The following SOX5 variants were observed in gnomAD, a reference collection of about 807,000 sequenced individuals.
SOX5 encodes SRY-box transcription factor 5, also known as transcription factor SOX-5.
Under a neutral mutation model 92.0 loss-of-function variants are expected in SOX5, and 9 were observed. That is an observed-to-expected ratio of 0.10 (90% CI 0.06 to 0.17). The LOEUF is 0.17. Ranked by LOEUF, SOX5 falls within the 10% of genes least tolerant of loss-of-function variation. The pLI is 1.00. For synonymous variants in SOX5, 344 were observed against 336.3 expected (o/e 1.02, Z -0.25); for missense variants, 642 against 944.5 (o/e 0.68, Z 4.20).
chr12:24,338,092 T>C (rs564233737), intron 2 of SOX5, among the ~76,000 whole-genome samples: 93 of 152,178 alleles, frequency 6.1e-4, no homozygotes, highest in Non-Finnish European at 6.8e-4. Context: ...ATATAAGTAA[T>C]GGAAAAATTT....
At chr12:23,586,082 G>A (rs950571518) in intron 9 of SOX5, among the ~76,000 whole-genome samples, 3 of 151,848 alleles carry the variant, frequency 2.0e-5, no homozygotes, top group African/African-American at 7.3e-5. Flanking sequence ...GAGGAAGCGC[G>A]CTCTCTCTCT....
chr12:24,531,229 T>C (rs928082471), intron 1 of SOX5, among the ~76,000 whole-genome samples: 2 of 152,152 alleles, frequency 1.3e-5, no homozygotes, highest in African/African-American at 4.8e-5. Context: ...GAAAAAAAAA[T>C]CTACATTTAA....
intron 9 of SOX5, among the ~76,000 whole-genome samples, chr12:23,585,136 C>T (rs907728482): frequency 1.3e-5 from 2 of 152,140 alleles, no homozygotes; most frequent in Non-Finnish European, 2.9e-5. Context: ...AATGCACATA[C>T]ACATCGAGCA....
intron 2 of SOX5, among the ~76,000 whole-genome samples, chr12:24,311,741 G>T (rs994089215): frequency 6.6e-6 from 1 of 152,130 alleles, no homozygotes; most frequent in Non-Finnish European, 1.5e-5. Flanking sequence ...AAGCTGAAAA[G>T]GTTCCCATCA....
intron 2 of SOX5, among the ~76,000 whole-genome samples, chr12:24,339,252 A>G (rs74070011): frequency 6.7e-6 from 1 of 149,916 alleles, no homozygotes; most frequent in African/African-American, 2.5e-5. Context: ...CATATGGAGT[A>G]TGTGTGGCAT....
intron 3 of SOX5, among the ~76,000 whole-genome samples, chr12:23,779,813 A>ATC (rs1356143829): frequency 9.3e-6 from 1 of 107,604 alleles, no homozygotes; most frequent in Non-Finnish European, 1.8e-5. Flanking sequence ...ATATATATAT[A>ATC]TACACACACA....
chr12:24,236,325 T>C (rs1042762156), intron 3 of SOX5, among the ~76,000 whole-genome samples: 2 of 152,216 alleles, frequency 1.3e-5, no homozygotes, highest in African/African-American at 4.8e-5. Context: ...GAGGTGTTGC[T>C]TGATGTTCTA....
intron 2 of SOX5, among the ~76,000 whole-genome samples, chr12:23,890,926 A>G (rs998022905): frequency 2.6e-5 from 4 of 152,204 alleles, no homozygotes; most frequent in African/African-American, 9.6e-5. Context: ...ATACTTTCAC[A>G]TTGCTTTCAA....
In SOX5 at chr12:24,337,709, A is replaced by T. The variant is rs541794384; in HGVS notation, c.-174+30854T>A. On this transcript the variant is annotated intron_variant, in intron 2 of 4. Transcript: ENST00000446891. ...TATTACATCAGTTCTTAAAAATGAC[A>T]TTGCCATAAAATAATCAGTTTTAAG... 4.9e-4 allele frequency among the ~76,000 whole-genome samples: 74 copies of T among 152,312 alleles called. 1 individual carries two copies. The South Asian group carries it at 7.7e-3, about 16-fold the overall frequency.
intron 4 of SOX5, among the ~76,000 whole-genome samples, chr12:24,016,714 A>T (rs1207608106): frequency 6.6e-6 from 1 of 152,206 alleles, no homozygotes; most frequent in Non-Finnish European, 1.5e-5. Context: ...AAATGTGGCC[A>T]CAATATATTG....
chr12:23,788,935 A>G (rs536054769), intron 3 of SOX5, among the ~76,000 whole-genome samples: 213 of 152,108 alleles, frequency 1.4e-3, no homozygotes, highest in African/African-American at 4.9e-3. Flanking sequence ...AACCTAATAC[A>G]AGATAAAAAT....
chr12:24,174,087 T>A (rs1208042920), intron 4 of SOX5, among the ~76,000 whole-genome samples: 2 of 152,020 alleles, frequency 1.3e-5, no homozygotes, highest in African/African-American at 4.8e-5. Context: ...AACCTACGCC[T>A]CCTGGGTTCA....
intron 9 of SOX5, among the ~76,000 whole-genome samples, chr12:23,602,162 A>G (rs899549737): frequency 6.6e-5 from 10 of 152,184 alleles, no homozygotes; most frequent in African/African-American, 2.4e-4. Flanking sequence ...ATGGCTATAG[A>G]AACACAATCT....
chr12:24,438,987 C>T (rs940150936), intron 1 of SOX5, among the ~76,000 whole-genome samples: 3 of 152,188 alleles, frequency 2.0e-5, no homozygotes. Context: ...TTGTCTCCTA[C>T]AGAGAAATCT....
chr12:24,196,068 A>G (rs1212298198), intron 4 of SOX5, among the ~76,000 whole-genome samples: 1 of 152,192 alleles, frequency 6.6e-6, no homozygotes, highest in South Asian at 2.1e-4. Flanking sequence ...TATTTTTAGT[A>G]GAGATGGGGT....
chr12:24,362,663 CTG>C (rs565134007), intron 2 of SOX5, among the ~76,000 whole-genome samples: 127 of 152,244 alleles, frequency 8.3e-4, no homozygotes, highest in African/African-American at 2.9e-3. Context: ...TGACAGGACT[CTG>C]TGATCAGGTA....
chr12:23,599,590 C>T (rs545289579), intron 9 of SOX5, among the ~76,000 whole-genome samples: 1 of 152,302 alleles, frequency 6.6e-6, no homozygotes, highest in Non-Finnish European at 1.5e-5. Flanking sequence ...TTCCGTCAAA[C>T]ACCAAGGTAG....
chr12:24,240,974 C>T (rs1243273468), intron 3 of SOX5, among the ~76,000 whole-genome samples: 1 of 152,086 alleles, frequency 6.6e-6, no homozygotes, highest in Non-Finnish European at 1.5e-5. Flanking sequence ...TTCATGATGA[C>T]AAGAGTTTCA....
intron 4 of SOX5, among the ~76,000 whole-genome samples, chr12:23,977,241 T>A (rs1949019991): frequency 6.6e-6 from 1 of 152,146 alleles, no homozygotes; most frequent in South Asian, 2.1e-4. Context: ...GAGGAGGTAG[T>A]AAGGAAACAT....
Sources: allele counts gnomAD v4.1 joint callset (sites outside exome capture counted in the v4.1 genomes callset), GRCh38; gene constraint gnomAD v4.1.1; transcripts MANE v1.5; gene names NCBI Gene and HGNC (gene_info 2026-07-23, HGNC 2026-07-21).